The following TPST1 variants were observed in gnomAD, a reference collection of about 807,000 sequenced individuals.
The protein encoded by TPST1 is tyrosylprotein sulfotransferase 1, also known as protein-tyrosine sulfotransferase 1.
TPST1 carries 20 observed loss-of-function variants against 34.8 expected under a neutral mutation model. The ratio of observed to expected loss-of-function variants is 0.57; its 90% CI spans 0.40 to 0.84. TPST1 has a LOEUF of 0.84. Among genes scored for constraint, TPST1 ranks in the 40% least tolerant of loss-of-function variants. The probability of loss-of-function intolerance (pLI) is 0.00; values close to 1 mark genes in which losing one functional copy is unlikely to be tolerated. For synonymous variants in TPST1, 152 were observed against 159.4 expected, an observed-to-expected ratio of 0.95 and a Z score of 0.35; for missense variants, 353 against 455.5, an observed-to-expected ratio of 0.78 and a Z score of 2.05.
At chr7:66,283,556 T>G (rs1006294196) in intron 2 of TPST1, among the ~76,000 whole-genome samples, 1 of 152,214 alleles carries the variant, frequency 6.6e-6, no homozygotes, top group Non-Finnish European at 1.5e-5. Context: ...AAACTTTACT[T>G]ATGGATATTG....
chr7:66,204,963 G>C (rs1382732306), upstream of TPST1, among the ~76,000 whole-genome samples: 1 of 152,248 alleles, frequency 6.6e-6, no homozygotes, highest in African/African-American at 2.4e-5. Context: ...ACTGATGAAG[G>C]CCTCTGGGAC....
intron 2 of TPST1, among the ~76,000 whole-genome samples, chr7:66,266,259 T>C (rs1790589908): frequency 6.6e-6 from 1 of 152,126 alleles, no homozygotes. Context: ...GTGAGATCTT[T>C]TCACCAGTCT....
At chr7:66,261,892 T>C (rs1487805331) in intron 2 of TPST1, among the ~76,000 whole-genome samples, 1 of 152,208 alleles carries the variant, frequency 6.6e-6, no homozygotes, top group Non-Finnish European at 1.5e-5. Flanking sequence ...GTGCTATAAA[T>C]GTGTGTTAGC....
chr7:66,249,708 C>T (rs17138156), intron 2 of TPST1, among the ~76,000 whole-genome samples: 35,187 of 152,018 alleles, frequency 0.23, 4,275 homozygotes, highest in East Asian at 0.35. Flanking sequence ...ACTTTCTTGC[C>T]CCTACAGCCT....
At chr7:66,359,694 CAG>C (rs1792653416) in intron 5 of TPST1, among the ~76,000 whole-genome samples, 199 bp from the exon 6 acceptor site, 1 of 152,154 alleles carries the variant, frequency 6.6e-6, no homozygotes, top group African/African-American at 2.4e-5. Context: ...CTGAAAGCAC[CAG>C]AGTGAGGGTG....
chr7:66,264,630 G>A (rs1177616426), intron 2 of TPST1, among the ~76,000 whole-genome samples: 1 of 152,162 alleles, frequency 6.6e-6, no homozygotes, highest in Non-Finnish European at 1.5e-5. Context: ...AATTAGTTTT[G>A]ATAAGTCTTG....
intron 1 of TPST1, among the ~76,000 whole-genome samples, chr7:66,218,846 C>CAA (rs201145256): frequency 7.8e-6 from 1 of 128,252 alleles, no homozygotes; most frequent in Non-Finnish European, 1.7e-5. Flanking sequence ...GACTCCATCT[C>CAA]AAAAAAAAAA....
intron 1 of TPST1, among the ~76,000 whole-genome samples, chr7:66,240,121 T>C (rs1156539494): frequency 6.6e-6 from 1 of 152,006 alleles, no homozygotes; most frequent in Non-Finnish European, 1.5e-5. Flanking sequence ...TCTCCTGACC[T>C]CGTGATCCGC....
chr7:66,348,977 A>C (rs2116371277), intron 3 of TPST1, among the ~76,000 whole-genome samples: 1 of 152,136 alleles, frequency 6.6e-6, no homozygotes, highest in African/African-American at 2.4e-5. Flanking sequence ...TGGAACTGTC[A>C]GTACTAGGAA....
At chr7:66,357,163 C>T (rs3735145) in intron 5 of TPST1, among the ~76,000 whole-genome samples, 5,579 of 152,252 alleles carry the variant, frequency 0.037, 165 homozygotes, top group East Asian at 0.088. Flanking sequence ...CATTATGAAC[C>T]ATGAAATATT....
intron 3 of TPST1, among the ~76,000 whole-genome samples, chr7:66,316,308 T>TC (rs1243391498): frequency 1.3e-5 from 2 of 152,236 alleles, no homozygotes; most frequent in Non-Finnish European, 2.9e-5. Context: ...TAAATGATAC[T>TC]AATTCTGTAA....
chr7:66,297,953 G>A (rs1791235727), intron 3 of TPST1, among the ~76,000 whole-genome samples: 1 of 152,158 alleles, frequency 6.6e-6, no homozygotes, highest in Non-Finnish European at 1.5e-5. Context: ...ACAGGATAGA[G>A]TCTAGACTTC....
At chr7:66,264,703 C>G (rs894542067) in intron 2 of TPST1, among the ~76,000 whole-genome samples, 1 of 152,070 alleles carries the variant, frequency 6.6e-6, no homozygotes, top group African/African-American at 2.4e-5. Context: ...GAATCTGATT[C>G]CCAGAGTTGC....
chr7:66,241,542 C>T (rs933829137), intron 2 of TPST1, among the ~76,000 whole-genome samples: 1 of 152,016 alleles, frequency 6.6e-6, no homozygotes, highest in African/African-American at 2.4e-5. Context: ...GATACAAACC[C>T]ACCTTACAGG....
chr7:66,279,687 A>G (rs980951956), intron 2 of TPST1, among the ~76,000 whole-genome samples: 23 of 152,206 alleles, frequency 1.5e-4, no homozygotes, highest in Non-Finnish European at 2.6e-4. Context: ...ATGAAACACA[A>G]TGATGTTGGG....
At chr7:66,211,388 C>T (rs949224371) in intron 1 of TPST1, among the ~76,000 whole-genome samples, 4 of 152,174 alleles carry the variant, frequency 2.6e-5, no homozygotes, top group Non-Finnish European at 5.9e-5. Flanking sequence ...ACCTCAGCCT[C>T]CCAAAGTGCT....
intron 3 of TPST1, among the ~76,000 whole-genome samples, chr7:66,327,286 A>G (rs1023465723): frequency 6.6e-5 from 10 of 152,368 alleles, no homozygotes; most frequent in African/African-American, 2.2e-4. Flanking sequence ...GCTCTGGACT[A>G]TAATTGGAAG....
At chr7:66,343,296 G>C (rs1792277023) in intron 3 of TPST1, among the ~76,000 whole-genome samples, 2 of 152,262 alleles carry the variant, frequency 1.3e-5, no homozygotes, top group African/African-American at 4.8e-5. Context: ...GTGAATTAAT[G>C]CTGAAACAAA....
At chr7:66,261,580 T>C (rs184128329) in intron 2 of TPST1, among the ~76,000 whole-genome samples, 1 of 152,326 alleles carries the variant, frequency 6.6e-6, no homozygotes, top group Admixed American at 6.5e-5. Context: ...CATAGAATAC[T>C]ACCTAGATTC....
Sources: allele counts gnomAD v4.1 joint callset (sites outside exome capture counted in the v4.1 genomes callset), GRCh38; gene constraint gnomAD v4.1.1; transcripts MANE v1.5; gene names NCBI Gene and HGNC (gene_info 2026-07-23, HGNC 2026-07-21).